The following ANO3 variants were observed in gnomAD, a reference collection of about 807,000 sequenced individuals.
ANO3 encodes anoctamin 3, also known as anoctamin-3.
A neutral mutation model predicts 144.8 loss-of-function variants in ANO3; 99 were observed. That is an observed-to-expected ratio of 0.68 (90% confidence interval 0.58 to 0.81). The LOEUF (loss-of-function observed/expected upper bound fraction) is 0.81. Among genes scored for constraint, ANO3 ranks in the 30% least tolerant of loss-of-function variants. ANO3 has a pLI of 0.00. For synonymous variants in ANO3, 414 were observed against 392.6 expected (o/e 1.05, Z -0.64); for missense variants, 905 against 1,202.2 (o/e 0.75, Z 3.66).
intron 17 of ANO3, 125 bp downstream of exon 17, chr11:26,599,839 C>A: frequency 1.3e-6 from 1 of 748,178 alleles, no homozygotes; most frequent in Non-Finnish European, 2.0e-6. Context: ...ACATTTCTGT[C>A]AATGACAATT....
intron 14 of ANO3, among the ~76,000 whole-genome samples, chr11:26,570,908 C>A (rs1213556337): frequency 2.6e-5 from 4 of 151,882 alleles, no homozygotes; most frequent in Non-Finnish European, 4.4e-5. Flanking sequence ...GGAAGCGTAA[C>A]CAACTAGAAA....
At chr11:26,618,434 C>T (rs901461451) in intron 17 of ANO3, among the ~76,000 whole-genome samples, 1 of 152,126 alleles carries the variant, frequency 6.6e-6, no homozygotes, top group African/African-American at 2.4e-5. Context: ...TTAGCTTGGA[C>T]TGTTGCAGCA....
At chr11:26,365,545 T>G (rs894294534) in intron 1 of ANO3, among the ~76,000 whole-genome samples, 1 of 152,238 alleles carries the variant, frequency 6.6e-6, no homozygotes, top group Non-Finnish European at 1.5e-5. Context: ...AAAATCCAAG[T>G]GGAGGATGCT....
rs907940979 is a variant in ANO3, at chr11:26,309,720, G to A, written c.-3+1G>A. The A allele has an allele frequency of 3.8e-5, 37 of 985,138 alleles. No individual in the cohort carries two copies. The highest frequency in any genetic ancestry group is 4.1e-5 in the Non-Finnish European group (34 of 829,754). 61.0% of individuals were successfully genotyped at this position (985,138 alleles called of 1,614,324 possible). ...GCTGCCAAAGGCAAATATAATGAAG[G>A]TGAGTCTTGGGGATGGTGTTTCAAG... is the stretch of plus-strand genomic sequence containing the variant. On this transcript the variant is annotated splice_donor_variant, in intron 1 of 26. Coordinates refer to the ANO3 transcript ENST00000525139. LOFTEE classifies it low-confidence loss of function (5UTR_SPLICE).
intron 18 of ANO3, among the ~76,000 whole-genome samples, chr11:26,630,440 T>C (rs1852739235): frequency 6.6e-6 from 1 of 152,218 alleles, no homozygotes; most frequent in Non-Finnish European, 1.5e-5. Context: ...CAGGAAAACA[T>C]GAACTTTCAG....
chr11:26,461,795 T>C (rs920181390), intron 3 of ANO3, among the ~76,000 whole-genome samples: 14 of 152,068 alleles, frequency 9.2e-5, no homozygotes, highest in Admixed American at 3.3e-4. Flanking sequence ...TTGCTTATTA[T>C]TAAATGTAGG....
In ANO3 at chr11:26,656,376, G is replaced by A; in HGVS notation, c.2658G>A (p.Arg886=). 7 of 1,588,506 alleles carry A rather than the reference G, an allele frequency of 4.4e-6. No individual in the cohort carries two copies. The highest frequency in any genetic ancestry group is 6.0e-6 in the Non-Finnish European group (7 of 1,157,124). ...ELGMGKSGYC[R]YRDYRGPPWS... is the part of the protein sequence containing the mutation. ...TTCTCTTTGTTTTTGTGGATTTCAGGTACAGAGACTACAGAGGCCCGCCCT... is the reference window on the plus strand; with the variant it reads ...TTCTCTTTGTTTTTGTGGATTTCAGATACAGAGACTACAGAGGCCCGCCCT... Residue 886 remains arginine, a splice_region_variant and synonymous_variant, in exon 26 of 27, where the codon AGG becomes AGA. Coordinates refer to ENST00000256737, the MANE Select transcript of ANO3 (RefSeq NM_031418.4).
Position 26,516,828 on chromosome 11 carries a change from C to A in ANO3, c.593C>A (p.Pro198Gln). ...RAEGLMLEKE[P>Q]AIASPDIMFI... ...TGCCTATCTTACTATCATTTGCAGC[C>A]AGCTATTGCAAGCCCCGATATCATG... The change falls in exon 6 of 27, where the codon CCA becomes CAA. Residue 198 changes from proline (P) to glutamine (Q), a missense_variant and splice_region_variant. Pro to Gln is a moderately conservative substitution (Grantham distance 76). Around this residue, in one of 4 missense-constraint regions of ANO3, gnomAD observed 63 missense variants for 107.3 expected, o/e 0.59. Transcript: ENST00000256737. 6.2e-7 allele frequency: 1 copy of A among 1,606,260 alleles called. No homozygotes were observed. The highest frequency in any genetic ancestry group is 8.5e-7 in the Non-Finnish European group (1 of 1,174,142).
intron 17 of ANO3, among the ~76,000 whole-genome samples, chr11:26,600,251 CT>C (rs1851753398): frequency 8.7e-6 from 1 of 115,042 alleles, no homozygotes; most frequent in Non-Finnish European, 2.0e-5. Context: ...TTCCTCTCCT[CT>C]CCTCTCCTCT....
intron 4 of ANO3, among the ~76,000 whole-genome samples, chr11:26,490,213 G>A (rs1266925611): frequency 6.6e-6 from 1 of 152,118 alleles, no homozygotes; most frequent in Non-Finnish European, 1.5e-5. Flanking sequence ...TTTATCAGGG[G>A]TTTCCACTTT....
At chr11:26,651,386 A>C (rs1322033806) in intron 24 of ANO3, among the ~76,000 whole-genome samples, 1 of 152,178 alleles carries the variant, frequency 6.6e-6, no homozygotes, top group Non-Finnish European at 1.5e-5. Context: ...ATACTATTAA[A>C]ATAGTCAATA....
chr11:26,419,487 GAACA>G (rs2133995886), intron 1 of ANO3, among the ~76,000 whole-genome samples: 1 of 150,638 alleles, frequency 6.6e-6, no homozygotes, highest in Non-Finnish European at 1.5e-5. Flanking sequence ...GCACATTTCT[GAACA>G]AATTAGTAAA....
At chr11:26,263,779 T>G (rs1375706241) in intron 1 of ANO3, among the ~76,000 whole-genome samples, 1 of 152,212 alleles carries the variant, frequency 6.6e-6, no homozygotes, top group Non-Finnish European at 1.5e-5. Flanking sequence ...ATTGGTTTCA[T>G]TGATTACTGG....
chr11:26,632,469 T>C (rs1852814773), intron 18 of ANO3, among the ~76,000 whole-genome samples: 1 of 150,166 alleles, frequency 6.7e-6, no homozygotes, highest in African/African-American at 2.4e-5. Context: ...TGAGCCGAGA[T>C]TGTGCCATTG....
intron 4 of ANO3, among the ~76,000 whole-genome samples, chr11:26,488,613 G>GTTA (rs1269269113): frequency 6.6e-6 from 1 of 152,114 alleles, no homozygotes; most frequent in Non-Finnish European, 1.5e-5. Flanking sequence ...TGCAGTGAGT[G>GTTA]ATACAGCTCT....
At chr11:26,554,706 G>C (rs886435426) in intron 13 of ANO3, among the ~76,000 whole-genome samples, 1 of 152,036 alleles carries the variant, frequency 6.6e-6, no homozygotes, top group African/African-American at 2.4e-5. Context: ...AGTCTCTCAA[G>C]TGGTGCTTTC....
Position 26,276,622 on chromosome 11 carries a change from C to T in ANO3, c.155-33023C>T, listed in dbSNP as rs565788499. On this transcript the variant is annotated intron_variant, in intron 1 of 27. Transcript: ENST00000672621. The stretch of plus-strand genomic sequence containing the variant: ...TAGCCATGATTCTCAGTTAAAACAG[C>T]ATCACCCACTTTGTTCTATTTCTGT... 3.3e-5 allele frequency among the ~76,000 whole-genome samples: 5 copies of T among 152,242 alleles called. No individual in the cohort carries two copies. In the East Asian group the frequency reaches 7.7e-4, roughly 23 times the overall value.
At chr11:26,356,793 T>C (rs1047692497) in intron 1 of ANO3, among the ~76,000 whole-genome samples, 3 of 152,192 alleles carry the variant, frequency 2.0e-5, no homozygotes, top group Non-Finnish European at 4.4e-5. Flanking sequence ...TCCTGCCTTT[T>C]TCAACTTCTA....
chr11:26,503,230 A>G (rs1392390328), intron 4 of ANO3, among the ~76,000 whole-genome samples: 1 of 152,136 alleles, frequency 6.6e-6, no homozygotes, highest in Non-Finnish European at 1.5e-5. Flanking sequence ...AAAACTCTAA[A>G]TCAAATGCAC....
Sources: gnomAD v4.1 joint callset for allele counts (sites outside exome capture counted in the v4.1 genomes callset) on GRCh38, gnomAD v4.1.1 for gene constraint, gnomAD v4.1.1 regional missense constraint, MANE v1.5 for transcripts, NCBI Gene and HGNC (gene_info 2026-07-23, HGNC 2026-07-21) for gene names.